Variants in CDYL observed in about 807,000 individuals in gnomAD.
CDYL encodes chromodomain Y like.
Under a neutral mutation model 47.3 loss-of-function variants are expected in CDYL, and 8 were observed. The ratio of observed to expected loss-of-function variants is 0.17; its 90% confidence interval spans 0.10 to 0.31. The LOEUF (loss-of-function observed/expected upper bound fraction) is 0.31. CDYL is among the 10% of genes least tolerant of loss of function. CDYL has a pLI of 1.00. For missense variants in CDYL, 471 were observed against 701.4 expected, an observed-to-expected ratio of 0.67 and a Z score of 3.71; for synonymous variants, 266 against 265.0, an observed-to-expected ratio of 1.00 and a Z score of -0.04.
intron 1 of CDYL, chr6:4,714,969 TA>T (rs1274585055): frequency 1.3e-5 from 2 of 152,220 alleles, no homozygotes; most frequent in African/African-American, 4.8e-5. Context: ...TTTTGTGTCT[TA>T]AAAGCCAAAG....
intron 1 of CDYL, among the ~76,000 whole-genome samples, chr6:4,828,350 C>T (rs9504262): frequency 0.025 from 3,713 of 148,758 alleles, 88 homozygotes; most frequent in East Asian, 0.086. Context: ...CCTCAAACTC[C>T]TGGGCTCAAG....
At chr6:4,843,866 A>C (rs1015972127) in intron 1 of CDYL, among the ~76,000 whole-genome samples, 9 of 151,968 alleles carry the variant, frequency 5.9e-5, no homozygotes, top group Non-Finnish European at 7.4e-5. Flanking sequence ...ATTGCTGTTG[A>C]GGTAGTGTGA....
intron 2 of CDYL, among the ~76,000 whole-genome samples, chr6:4,717,094 A>G (rs1757278987): frequency 6.6e-6 from 1 of 152,252 alleles, no homozygotes; most frequent in African/African-American, 2.4e-5. Context: ...AATCAGGAAG[A>G]AAAGGGTGGG....
intron 2 of CDYL, among the ~76,000 whole-genome samples, chr6:4,924,335 C>T (rs1046035116): frequency 2.0e-5 from 3 of 152,174 alleles, no homozygotes; most frequent in Non-Finnish European, 4.4e-5. Context: ...TCAGAATGCT[C>T]CCTAAGCCTG....
intron 1 of CDYL, among the ~76,000 whole-genome samples, chr6:4,830,967 T>G (rs1035768665): frequency 1.3e-5 from 2 of 152,102 alleles, no homozygotes; most frequent in African/African-American, 4.8e-5. Flanking sequence ...TATTCCATGG[T>G]GTATATGTGC....
chr6:4,723,282 T>A (rs1292858809), intron 2 of CDYL, among the ~76,000 whole-genome samples: 1 of 152,180 alleles, frequency 6.6e-6, no homozygotes, highest in Non-Finnish European at 1.5e-5. Flanking sequence ...TATGCCATTA[T>A]ATCAGGGACT....
At chr6:4,889,946 C>G (rs1005878225) in intron 1 of CDYL, 5 of 985,070 alleles carry the variant, frequency 5.1e-6, no homozygotes, top group Non-Finnish European at 6.0e-6. Context: ...GGCCTGGCAG[C>G]AGCAGGTCCC....
At chr6:4,922,131 AG>A (rs1757734154) in intron 2 of CDYL, among the ~76,000 whole-genome samples, 1 of 152,118 alleles carries the variant, frequency 6.6e-6, no homozygotes, top group South Asian at 2.1e-4. Context: ...CGAGGTGGTT[AG>A]GCATCCTGGA....
At chr6:4,860,484 G>T (rs1761132935) in intron 1 of CDYL, among the ~76,000 whole-genome samples, 1 of 147,860 alleles carries the variant, frequency 6.8e-6, no homozygotes, top group Non-Finnish European at 1.5e-5. Context: ...TAGAGGGACA[G>T]AACTAATAGG....
chr6:4,714,662 G>C (rs1757220467), intron 1 of CDYL: 5 of 152,206 alleles, frequency 3.3e-5, no homozygotes, highest in Admixed American at 3.3e-4. Flanking sequence ...GCTTCCAGAA[G>C]AGCACATTTG....
At chr6:4,950,115 G>C (rs1226700603) in intron 5 of CDYL, among the ~76,000 whole-genome samples, 3 of 152,184 alleles carry the variant, frequency 2.0e-5, no homozygotes, top group Non-Finnish European at 4.4e-5. Flanking sequence ...CAACAAAGGG[G>C]GGACGAAAGG....
chr6:4,709,020 T>A (rs1285889627), intron 1 of CDYL, among the ~76,000 whole-genome samples: 1 of 151,830 alleles, frequency 6.6e-6, no homozygotes, highest in African/African-American at 2.4e-5. Context: ...AAAAATAAAA[T>A]AAAATAAAAT....
chr6:4,792,463 A>C (rs986803431), intron 1 of CDYL, among the ~76,000 whole-genome samples: 12 of 144,658 alleles, frequency 8.3e-5, no homozygotes, highest in Non-Finnish European at 1.5e-4. Flanking sequence ...ACAGAGTCTC[A>C]CTCTGTTGCC....
chr6:4,712,449 CCA>C (rs1757168451), intron 1 of CDYL, among the ~76,000 whole-genome samples: 8 of 152,280 alleles, frequency 5.3e-5, no homozygotes. Flanking sequence ...GGGGCTGGGC[CCA>C]CACAGGTGGC....
At chr6:4,788,005 C>T (rs1758802668) in intron 1 of CDYL, among the ~76,000 whole-genome samples, 1 of 151,830 alleles carries the variant, frequency 6.6e-6, no homozygotes. Context: ...CTCCTGACCT[C>T]AACTGATCTG....
intron 5 of CDYL, among the ~76,000 whole-genome samples, chr6:4,944,520 C>T (rs1213758495): frequency 6.6e-6 from 1 of 152,188 alleles, no homozygotes; most frequent in East Asian, 1.9e-4. Context: ...CAGCAGCACC[C>T]GCAGCCAGGC....
intron 2 of CDYL, among the ~76,000 whole-genome samples, chr6:4,896,069 C>T (rs1762275665): frequency 6.6e-6 from 1 of 152,210 alleles, no homozygotes; most frequent in Admixed American, 6.5e-5. Flanking sequence ...GTCAGATCAG[C>T]CCTGACCCCT....
chr6:4,892,761 T>C (rs886113311), intron 2 of CDYL, among the ~76,000 whole-genome samples: 1 of 152,226 alleles, frequency 6.6e-6, no homozygotes, highest in Non-Finnish European at 1.5e-5. Flanking sequence ...CCAGCATTGA[T>C]ACAGAAGTGC....
intron 1 of CDYL, among the ~76,000 whole-genome samples, chr6:4,874,524 T>C (rs1761565850): frequency 6.6e-6 from 1 of 152,170 alleles, no homozygotes; most frequent in Non-Finnish European, 1.5e-5. Context: ...ACCTCTCCAT[T>C]CTAAGACTGA....
Sources: allele counts gnomAD v4.1 joint callset (sites outside exome capture counted in the v4.1 genomes callset), GRCh38; gene constraint gnomAD v4.1.1; transcripts MANE v1.5; gene names NCBI Gene and HGNC (gene_info 2026-07-23, HGNC 2026-07-21).